NOX4: variants seen among roughly 807,000 people sequenced by gnomAD.
The protein encoded by NOX4 is NADPH oxidase 4.
A neutral mutation model predicts 87.6 loss-of-function variants in NOX4; 69 were observed. The ratio of observed to expected loss-of-function variants is 0.79; its 90% CI spans 0.65 to 0.96. The LOEUF (loss-of-function observed/expected upper bound fraction) is 0.96. Among genes scored for constraint, NOX4 ranks in the 40% least tolerant of loss-of-function variants. The pLI is 0.00. For missense variants in NOX4, 680 were observed against 681.5 expected (o/e 1.00, Z 0.02); for synonymous variants, 275 against 238.2 (o/e 1.15, Z -1.42).
Position 89,374,625 on chromosome 11 carries a change from G to A in NOX4, c.1075-1133C>T, listed in dbSNP as rs542897440. ...CCAATAAAAAGACAAGACAAAATTT[G>A]GATCCAGGTCTCTTAATTCTTAATT... is the stretch of plus-strand genomic sequence containing the variant. On this transcript the variant is annotated intron_variant, in intron 11 of 17. Transcript: ENST00000263317. Among the ~76,000 whole-genome samples, 32 of 152,204 alleles carry A rather than the reference G, an allele frequency of 2.1e-4. No individual in the cohort carries two copies. In the East Asian group the frequency reaches 4.8e-3, roughly 23 times the overall value.
upstream of NOX4, among the ~76,000 whole-genome samples, chr11:89,500,640 C>T (rs1202257826): frequency 6.6e-6 from 1 of 152,168 alleles, no homozygotes. Flanking sequence ...TCCACATTTT[C>T]CTTTTTCTCC....
At chr11:89,346,579 A>AAATGGCTCTCATAGGCACT (rs57544181) in intron 13 of NOX4, among the ~76,000 whole-genome samples, 1 of 100,144 alleles carries the variant, frequency 1.0e-5, no homozygotes, top group Admixed American at 9.7e-5. Context: ...CAAAGAAAGA[A>AAATGGCTCTCATAGGCACT]AGATGGAGAA....
intron 2 of NOX4, among the ~76,000 whole-genome samples, chr11:89,472,476 G>A (rs112880184): frequency 1.2e-3 from 179 of 151,892 alleles, no homozygotes; most frequent in African/African-American, 3.9e-3. Flanking sequence ...AGTTCATAAT[G>A]ACTTTATATT....
At chr11:89,466,613 A>C (rs967430084) in intron 2 of NOX4, among the ~76,000 whole-genome samples, 5 of 152,232 alleles carry the variant, frequency 3.3e-5, no homozygotes, top group Non-Finnish European at 7.3e-5. Flanking sequence ...ATTTTGGGAC[A>C]CTAGGAGTTC....
chr11:89,351,030 G>C (rs1946433351), intron 13 of NOX4, among the ~76,000 whole-genome samples: 1 of 152,220 alleles, frequency 6.6e-6, no homozygotes, highest in Admixed American at 6.5e-5. Context: ...ATAAAGTTAG[G>C]CTTCTTGCGC....
chr11:89,354,327 G>C (rs1388965065), intron 13 of NOX4, among the ~76,000 whole-genome samples: 2 of 152,286 alleles, frequency 1.3e-5, no homozygotes, highest in East Asian at 1.9e-4. Context: ...AGTCTTTAGG[G>C]AAGGAGATGT....
chr11:89,543,487 A>G, the NOX4 span, among the ~76,000 whole-genome samples: 1 of 152,154 alleles, frequency 6.6e-6, no homozygotes, highest in African/African-American at 2.4e-5. Flanking sequence ...TTTTAGCTAC[A>G]GAAAAATGTA....
chr11:89,346,621 G>C (rs1441185113), intron 13 of NOX4, among the ~76,000 whole-genome samples: 1 of 145,984 alleles, frequency 6.9e-6, no homozygotes, highest in African/African-American at 2.7e-5. Flanking sequence ...CCAGAAAGTG[G>C]CTACATCCCC....
chr11:89,566,663 C>G, the NOX4 span, among the ~76,000 whole-genome samples: 1 of 152,106 alleles, frequency 6.6e-6, no homozygotes, highest in African/African-American at 2.4e-5. Flanking sequence ...ATGGTGAAAA[C>G]AGACCATCAT....
At chr11:89,455,011 A>G (rs2135397973) in intron 2 of NOX4, among the ~76,000 whole-genome samples, 1 of 152,220 alleles carries the variant, frequency 6.6e-6, no homozygotes, top group Non-Finnish European at 1.5e-5. Context: ...ATACGGAAGG[A>G]TAAATATTAA....
the NOX4 span, among the ~76,000 whole-genome samples, chr11:89,506,237 G>GAAAGAAAGAAAGAAAGAAAGAAAGAA: frequency 7.4e-6 from 1 of 135,844 alleles, no homozygotes; most frequent in East Asian, 2.1e-4. Flanking sequence ...AAGAAAGAAA[G>GAAAGAAAGAAAGAAAGAAAGAAAGAA]AGAGAGAGAG....
At chr11:89,564,301 T>C in the NOX4 span, among the ~76,000 whole-genome samples, 3 of 151,982 alleles carry the variant, frequency 2.0e-5, no homozygotes, top group Non-Finnish European at 4.4e-5. Flanking sequence ...AAAATTACAA[T>C]CACGATGGAG....
intron 6 of NOX4, among the ~76,000 whole-genome samples, chr11:89,438,248 T>C (rs1379253166): frequency 7.2e-6 from 1 of 138,876 alleles, no homozygotes; most frequent in Non-Finnish European, 1.5e-5. Flanking sequence ...CATAGTAATA[T>C]ATTATTATTA....
chr11:89,389,647 AT>A (rs1309355621), intron 11 of NOX4, among the ~76,000 whole-genome samples: 8 of 152,278 alleles, frequency 5.3e-5, no homozygotes, highest in African/African-American at 1.7e-4. Flanking sequence ...TCAGTTCGAA[AT>A]GGTAATTTTA....
At chr11:89,438,792 GTATAATATATTATATATTATATATATTA>G (rs1565293184) in intron 6 of NOX4, among the ~76,000 whole-genome samples, 2 of 9,442 alleles carry the variant, frequency 2.1e-4, no homozygotes, top group African/African-American at 3.6e-4. Flanking sequence ...AATATATAGT[GTATAATATATTATATATTATATATATTA>G]TATAATATCT....
At chr11:89,564,956 G>T in the NOX4 span, among the ~76,000 whole-genome samples, 10 of 152,042 alleles carry the variant, frequency 6.6e-5, no homozygotes, top group African/African-American at 2.4e-4. Flanking sequence ...TGTGTGAAGT[G>T]AAAATTTTTC....
the NOX4 span, among the ~76,000 whole-genome samples, chr11:89,563,441 A>T: frequency 6.6e-6 from 1 of 151,978 alleles, no homozygotes; most frequent in Non-Finnish European, 1.5e-5. Flanking sequence ...TCCTTGGGAG[A>T]TTGATATACT....
At chr11:89,331,913 T>G (rs908097178) in intron 17 of NOX4, among the ~76,000 whole-genome samples, 1 of 151,750 alleles carries the variant, frequency 6.6e-6, no homozygotes, top group African/African-American at 2.4e-5. Flanking sequence ...TCTTACTTTT[T>G]TTTTTTTCTT....
At chr11:89,377,200 A>C (rs1939910798) in intron 11 of NOX4, among the ~76,000 whole-genome samples, 1 of 152,254 alleles carries the variant, frequency 6.6e-6, no homozygotes, top group South Asian at 2.1e-4. Context: ...AAGAACTCTT[A>C]CAATCATTTC....
Sources: allele counts gnomAD v4.1 joint callset (sites outside exome capture counted in the v4.1 genomes callset), GRCh38; gene constraint gnomAD v4.1.1; transcripts MANE v1.5; gene names NCBI Gene and HGNC (gene_info 2026-07-23, HGNC 2026-07-21).